Variants in PPP4R3B observed in about 807,000 individuals in gnomAD.
The protein encoded by PPP4R3B is serine/threonine-protein phosphatase 4 regulatory subunit 3B.
Under a neutral mutation model 95.4 loss-of-function variants are expected in PPP4R3B, and 52 were observed. The ratio of observed to expected loss-of-function variants is 0.54; its 90% CI spans 0.44 to 0.69. The LOEUF is 0.69. Ranked by LOEUF, PPP4R3B falls within the 30% of genes least tolerant of loss-of-function variation. The pLI, the probability that PPP4R3B is intolerant of heterozygous loss-of-function variation, is 0.00. For missense variants in PPP4R3B, 1,003 were observed against 1,005.9 expected, an observed-to-expected ratio of 1.00 and a Z score of 0.04; for synonymous variants, 407 against 343.9, an observed-to-expected ratio of 1.18 and a Z score of -2.03.
chr2:55,558,997 T>C, intron 15 of PPP4R3B, 29 bp from the exon 16 acceptor site: 1 of 1,547,822 alleles, frequency 6.5e-7, no homozygotes, highest in Non-Finnish European at 8.8e-7. Flanking sequence ...TTTGAACGTA[T>C]ATCAATAAAT....
At chr2:55,584,658 A>G (rs531801817) in intron 7 of PPP4R3B, among the ~76,000 whole-genome samples, 12 of 152,206 alleles carry the variant, frequency 7.9e-5, no homozygotes, top group African/African-American at 1.4e-4. Context: ...TCACCCAGTC[A>G]TTATTAAACT....
intron 16 of PPP4R3B, among the ~76,000 whole-genome samples, chr2:55,555,084 T>C (rs1456716270): frequency 1.3e-5 from 2 of 151,874 alleles, no homozygotes; most frequent in South Asian, 2.1e-4. Context: ...ATCGAGAACA[T>C]CCTGGCTAAC....
intron 13 of PPP4R3B, chr2:55,565,654 C>G (rs1574712532): frequency 5.7e-6 from 1 of 176,886 alleles, no homozygotes; most frequent in East Asian, 1.3e-4. Context: ...TTTCAACAAA[C>G]AGGTCTTATT....
Position 55,586,734 on chromosome 2 carries a change from C to T in PPP4R3B, c.1000G>A (p.Val334Ile). The change falls in exon 6 of 17, where the codon GTT (valine) becomes ATT (isoleucine). Residue 334 changes from valine to isoleucine, a missense_variant and splice_region_variant. Physicochemically the swap from Val to Ile is conservative, Grantham distance 29. Transcript: ENST00000616407. ...GCACAAAACTCCTTGAAAAAATTAACCTGTAATGTCAGAAATTTTAGTGAG... is the reference window on the plus strand; with the variant it reads ...GCACAAAACTCCTTGAAAAAATTAATCTGTAATGTCAGAAATTTTAGTGAG... ...ATDDDKRREL[V>I]NFFKEFCAFS... The T allele has an allele frequency of 6.3e-7, 1 of 1,575,266 alleles. No homozygotes were observed. Among genetic ancestry groups the T allele is most frequent in the Non-Finnish European group, 8.7e-7 (1 of 1,153,864 alleles).
chr2:55,550,906 T>C (rs1456628413), intron 16 of PPP4R3B, among the ~76,000 whole-genome samples: 3 of 152,154 alleles, frequency 2.0e-5, no homozygotes, highest in African/African-American at 7.2e-5. Flanking sequence ...AAGACTTATA[T>C]ACCTGTCTGA....
chr2:55,558,466 G>C (rs548721791), intron 16 of PPP4R3B, among the ~76,000 whole-genome samples: 4 of 152,214 alleles, frequency 2.6e-5, no homozygotes, highest in South Asian at 4.1e-4. Context: ...AAATTAGCTG[G>C]GTGTGGTGGC....
chr2:55,564,551 TTGAAC>T lies in PPP4R3B; in HGVS notation c.2076-59_2076-55del. 3 of 1,465,368 alleles carry T rather than the reference TTGAAC, an allele frequency of 2.0e-6. No homozygotes were observed. The South Asian group carries it at 4.1e-5, about 20-fold the overall frequency. The allele number at this position is 1,465,368 out of a possible 1,614,324, so 90.8% of individuals were successfully genotyped here. On this transcript the variant is annotated intron_variant, in intron 14 of 16. Transcript: ENST00000616407. The stretch of plus-strand genomic sequence containing the variant: ...TAATGATTTAAAGTTCATCATCAGA[TTGAAC>T]TGAAGGAAAAATATGTATAACCAAG...
chr2:55,567,422 A>ATTTTTTTT (rs918254610), intron 13 of PPP4R3B, among the ~76,000 whole-genome samples: 34 of 148,500 alleles, frequency 2.3e-4, no homozygotes, highest in African/African-American at 7.9e-4. Flanking sequence ...CTACCAAATG[A>ATTTTTTTT]TTTTTTTTTT....
chr2:55,551,079 GC>G (rs1446380355), intron 16 of PPP4R3B, among the ~76,000 whole-genome samples: 2 of 152,224 alleles, frequency 1.3e-5, no homozygotes, highest in Admixed American at 1.3e-4. Flanking sequence ...AAACTTTGGG[GC>G]TGGGCTTATG....
At chr2:55,575,351 T>C (rs528781502) in intron 11 of PPP4R3B, among the ~76,000 whole-genome samples, 2 of 152,332 alleles carry the variant, frequency 1.3e-5, no homozygotes, top group East Asian at 1.9e-4. Context: ...ATGAAATGAT[T>C]TTGAACTGCA....
At position 55,598,331 on chromosome 2, in the gene PPP4R3B, AAT is replaced by A. The variant is rs144502905; in HGVS notation, c.921+83_921+84del. The A allele has an allele frequency of 1.6e-3, 2,081 of 1,340,780 alleles. 40 individuals carry two copies. In the African/African-American group the frequency reaches 0.028, roughly 18 times the overall value. 83.1% of individuals were successfully genotyped at this position (1,340,780 alleles called of 1,614,324 possible). ...TTTAAACAAAATAAATCTTTCAAAA[AAT>A]AGAGGGTATAAACACCTGCTTGAAC... On this transcript the variant is annotated intron_variant, in intron 4 of 16. Coordinates refer to ENST00000616407, the MANE Select transcript of PPP4R3B (RefSeq NM_001122964.3).
rs192802193 is a variant in PPP4R3B at position 55,570,072 on chromosome 2, A to G, written c.1766-1709T>C. On this transcript the variant is annotated intron_variant, in intron 12 of 16. Coordinates refer to ENST00000616407, the MANE Select transcript of PPP4R3B (RefSeq NM_001122964.3). ...CGAGACAAGCCTGGCCAACATGGTG[A>G]AACCCCGTCTTTACTAAAATACAAA... 2.5e-4 allele frequency among the ~76,000 whole-genome samples: 38 copies of G among 152,234 alleles called. No homozygotes were observed. In the East Asian group the frequency reaches 6.6e-3, roughly 26 times the overall value.
In PPP4R3B at chr2:55,549,085, G is replaced by A. The variant is rs928057751; in HGVS notation, c.*826C>T. On this transcript the variant is annotated 3_prime_UTR_variant, in exon 17 of 17. Transcript: ENST00000616407. ...GGAAAGACAGAACTTTACTAACAAAGTAGAAAGTGATTTCAAAGTATCTTC... is the reference window on the plus strand; with the variant it reads ...GGAAAGACAGAACTTTACTAACAAAATAGAAAGTGATTTCAAAGTATCTTC... The A allele has an allele frequency of 2.6e-5, 4 of 152,236 alleles. No homozygotes were observed. Among genetic ancestry groups the A allele is most frequent in the Admixed American group, 6.5e-5 (1 of 15,282 alleles). The allele number at this position is 152,236 out of a possible 1,614,324, so 9.4% of individuals were successfully genotyped here. A position where few individuals can be genotyped will look rare whatever the true frequency, so the allele number is the denominator to read the frequency against.
rs568325321 is a variant in PPP4R3B, at chr2:55,584,278, G to A, written c.1233+773C>T. 2.1e-4 allele frequency among the ~76,000 whole-genome samples: 32 copies of A among 152,176 alleles called. No individual in the cohort carries two copies. The South Asian group carries it at 6.6e-3, about 32-fold the overall frequency. On this transcript the variant is annotated intron_variant, in intron 7 of 16. Coordinates refer to ENST00000616407, the MANE Select transcript of PPP4R3B (RefSeq NM_001122964.3). ...CATTTTGTCCTTAAAATAGCTTAAGGGGAAAATTTAAATATATCAGTAGTG... is the reference window on the plus strand; with the variant it reads ...CATTTTGTCCTTAAAATAGCTTAAGAGGAAAATTTAAATATATCAGTAGTG...
chr2:55,606,812 G>C (rs1693472084), intron 2 of PPP4R3B, among the ~76,000 whole-genome samples: 1 of 122,360 alleles, frequency 8.2e-6, no homozygotes. Context: ...ACAAAAGTGA[G>C]ACTTTGCCTC....
chr2:55,589,534 C>A (rs1690661695), intron 4 of PPP4R3B, among the ~76,000 whole-genome samples: 1 of 152,176 alleles, frequency 6.6e-6, no homozygotes, highest in Non-Finnish European at 1.5e-5. Context: ...ACTACAATAA[C>A]TGCTTTTCAT....
At chr2:55,595,921 C>T (rs1691707199) in intron 4 of PPP4R3B, among the ~76,000 whole-genome samples, 1 of 152,088 alleles carries the variant, frequency 6.6e-6, no homozygotes, top group South Asian at 2.1e-4. Flanking sequence ...ATAACAAAAG[C>T]AGTTATGCAG....
At position 55,603,268 on chromosome 2, in the gene PPP4R3B, T is replaced by A. The variant is rs17047121; in HGVS notation, c.297+710A>T. On this transcript the variant is annotated intron_variant, in intron 3 of 16. Coordinates refer to ENST00000616407, the MANE Select transcript of PPP4R3B (RefSeq NM_001122964.3). ...GCGTCCGGATGGACAAATACACTTA[T>A]ATCCAAGAACATGTATTAAAAAGTA... Among the ~76,000 whole-genome samples, 1,148 of 152,284 alleles carry A rather than the reference T, an allele frequency of 7.5e-3. 19 individuals carry two copies. The highest frequency in any genetic ancestry group is 0.026 in the African/African-American group (1,099 of 41,564).
intron 6 of PPP4R3B, among the ~76,000 whole-genome samples, chr2:55,585,671 G>C (rs897084535): frequency 6.6e-6 from 1 of 152,004 alleles, no homozygotes; most frequent in African/African-American, 2.4e-5. Context: ...CTGCAACTTA[G>C]TTTTCTAAGA....
Sources: gnomAD v4.1 joint callset for allele counts (sites outside exome capture counted in the v4.1 genomes callset) on GRCh38, gnomAD v4.1.1 for gene constraint, MANE v1.5 for transcripts, NCBI Gene and HGNC (gene_info 2026-07-23, HGNC 2026-07-21) for gene names.